The following IPO11 variants were observed in gnomAD, a reference collection of about 807,000 sequenced individuals.
IPO11 encodes the protein importin 11, also known as importin-11.
In IPO11, 66 loss-of-function variants were observed where a neutral mutation model predicts 143.2. The observed-to-expected ratio is 0.46, with a 90% confidence interval of 0.38 to 0.57. The LOEUF (loss-of-function observed/expected upper bound fraction) is 0.57, where lower values mean the gene tolerates loss of function less well. Ranked by LOEUF, IPO11 falls within the 20% of genes least tolerant of loss-of-function variation. The probability of loss-of-function intolerance (pLI) is 0.00; values close to 1 mark genes in which losing one functional copy is unlikely to be tolerated. For missense variants in IPO11, 1,026 were observed against 1,141.0 expected, an observed-to-expected ratio of 0.90 and a Z score of 1.45; for synonymous variants, 385 against 377.8, an observed-to-expected ratio of 1.02 and a Z score of -0.22.
At chr5:62,578,568 A>G (rs1305811164) in intron 27 of IPO11, 4 of 335,000 alleles carry the variant, frequency 1.2e-5, no homozygotes, top group African/African-American at 6.7e-5. Flanking sequence ...TTTAAAAACT[A>G]TTATTTTTAT....
chr5:62,488,313 A>G (rs1375510730), intron 13 of IPO11, among the ~76,000 whole-genome samples: 4 of 152,230 alleles, frequency 2.6e-5, no homozygotes. Flanking sequence ...ATTAACTAAC[A>G]TTGATTTATG....
Position 62,487,855 on chromosome 5 carries a change from C to T in IPO11, c.1303C>T (p.Leu435Phe). 6.2e-7 allele frequency: 1 copy of T among 1,607,056 alleles called. No individual in the cohort carries two copies. The highest frequency in any genetic ancestry group is 1.3e-5 in the African/African-American group (1 of 74,634). Residue 435 changes from leucine (L) to phenylalanine (F), a missense_variant, in exon 13 of 30, where the codon CTT (leucine) becomes TTT (phenylalanine). This residue lies in a region of IPO11 where 237 missense variants were observed against 288.0 expected (regional missense o/e 0.82). Transcript: ENST00000325324. ...TGTACTTCTAGAAATGATGCAAACACTTCAAGGTAAGGCATATTTTGTGAT... is the reference window on the plus strand; with the variant it reads ...TGTACTTCTAGAAATGATGCAAACATTTCAAGGTAAGGCATATTTTGTGAT... The part of the protein sequence containing the change: ...TPVLLEMMQT[L>F]QGPTNVEDMN...
chr5:62,588,170 A>C lies in IPO11; in HGVS notation c.2583-3407A>C, dbSNP rs79287720. Among the ~76,000 whole-genome samples, 729 of 152,020 alleles carry C rather than the reference A, an allele frequency of 4.8e-3. 8 individuals are homozygous for C. Among genetic ancestry groups the C allele is most frequent in the African/African-American group, 0.017 (698 of 41,480 alleles). ...CCCTTGTGATCATGCTCAAAACTCT[A>C]ATATCCTGTCTTATTATAACTTCAC... is the stretch of plus-strand genomic sequence containing the variant. On this transcript the variant is annotated intron_variant, in intron 27 of 29. Coordinates refer to ENST00000325324, the MANE Select transcript of IPO11 (RefSeq NM_016338.5).
At chr5:62,496,740 AAC>A (rs747349409) in intron 16 of IPO11, among the ~76,000 whole-genome samples, 11 of 152,240 alleles carry the variant, frequency 7.2e-5, no homozygotes, top group Non-Finnish European at 1.2e-4. Flanking sequence ...CATATACACA[AAC>A]ACACATTGTG....
At chr5:62,616,070 A>AGGGGGGGGGGGGGGGGGGGGGGGGGGGGG (rs67923113) in intron 29 of IPO11, among the ~76,000 whole-genome samples, 1 of 106,348 alleles carries the variant, frequency 9.4e-6, no homozygotes, top group Non-Finnish European at 1.9e-5. Flanking sequence ...TGGGGGAGGA[A>AGGGGGGGGGGGGGGGGGGGGGGGGGGGGG]GGGGGGTGGC....
At chr5:62,495,673 A>G (rs538439976) in intron 16 of IPO11, among the ~76,000 whole-genome samples, 2 of 152,144 alleles carry the variant, frequency 1.3e-5, no homozygotes, top group Admixed American at 6.5e-5. Context: ...ATGTTGCCAC[A>G]TTGCCCAGGC....
intron 27 of IPO11, among the ~76,000 whole-genome samples, chr5:62,571,120 A>G (rs1005272982): frequency 2.0e-5 from 3 of 152,248 alleles, no homozygotes; most frequent in Non-Finnish European, 4.4e-5. Context: ...TGTATGTCAC[A>G]AGTGGTTCCT....
At chr5:62,612,236 A>T (rs1461308431) in intron 29 of IPO11, among the ~76,000 whole-genome samples, 1 of 152,134 alleles carries the variant, frequency 6.6e-6, no homozygotes, top group Non-Finnish European at 1.5e-5. Context: ...AGTACATGTT[A>T]AAAAAATCAT....
chr5:62,492,377 A>G (rs536649587), intron 15 of IPO11, among the ~76,000 whole-genome samples: 1 of 152,190 alleles, frequency 6.6e-6, no homozygotes, highest in South Asian at 2.1e-4. Context: ...TTTGGCTCCA[A>G]TATTGTTTAT....
intron 9 of IPO11, among the ~76,000 whole-genome samples, chr5:62,482,030 G>A (rs528349631): frequency 1.3e-5 from 2 of 152,256 alleles, no homozygotes; most frequent in African/African-American, 4.8e-5. Flanking sequence ...GGGTGTATGT[G>A]TCCAGGAATT....
intron 1 of IPO11, among the ~76,000 whole-genome samples, chr5:62,425,949 T>G (rs1359213086): frequency 6.6e-6 from 1 of 152,184 alleles, no homozygotes; most frequent in African/African-American, 2.4e-5. Flanking sequence ...CTAATAGACA[T>G]GACTATTTGG....
intron 29 of IPO11, among the ~76,000 whole-genome samples, chr5:62,602,717 C>G (rs562946104): frequency 2.0e-5 from 3 of 152,306 alleles, no homozygotes; most frequent in South Asian, 2.1e-4. Flanking sequence ...TGAGAGCCTT[C>G]TTTTAAACTG....
At chr5:62,421,666 A>G (rs1359581806) in intron 1 of IPO11, among the ~76,000 whole-genome samples, 1 of 152,202 alleles carries the variant, frequency 6.6e-6, no homozygotes, top group Non-Finnish European at 1.5e-5. Context: ...GAGAACTGAT[A>G]TGGGTGGCTC....
At chr5:62,464,925 C>T (rs551643054) in intron 5 of IPO11, among the ~76,000 whole-genome samples, 70 of 152,276 alleles carry the variant, frequency 4.6e-4, no homozygotes, top group Admixed American at 2.0e-3. Flanking sequence ...TAAAATTACT[C>T]AAAATGTCGT....
chr5:62,579,812 C>T, intron 27 of IPO11: 3 of 1,545,900 alleles, frequency 1.9e-6, no homozygotes, highest in Non-Finnish European at 2.6e-6. Context: ...CGCTTAGATC[C>T]TGGAATATTT....
chr5:62,539,298 T>C (rs1178345436), intron 24 of IPO11, among the ~76,000 whole-genome samples: 1 of 152,184 alleles, frequency 6.6e-6, no homozygotes, highest in Non-Finnish European at 1.5e-5. Flanking sequence ...TTGCGTTCCT[T>C]GGTTTGTAGA....
At chr5:62,591,472 C>T in intron 27 of IPO11, 105 bp from the exon 28 acceptor site, 11 of 638,766 alleles carry the variant, frequency 1.7e-5, no homozygotes, top group Non-Finnish European at 2.6e-5. Context: ...TTGTATTTCA[C>T]AGCTGAAATT....
At chr5:62,572,586 T>C (rs1399694199) in intron 27 of IPO11, among the ~76,000 whole-genome samples, 6 of 150,976 alleles carry the variant, frequency 4.0e-5, no homozygotes, top group Non-Finnish European at 7.4e-5. Context: ...TATTTATTTA[T>C]TTTTGAGGCT....
intron 26 of IPO11, among the ~76,000 whole-genome samples, chr5:62,553,032 A>G (rs1001842147): frequency 6.6e-5 from 10 of 152,212 alleles, no homozygotes; most frequent in African/African-American, 9.6e-5. Context: ...CTGCAGTGCT[A>G]TATAGAACAC....
Sources: gnomAD v4.1 joint callset for allele counts (sites outside exome capture counted in the v4.1 genomes callset) on GRCh38, gnomAD v4.1.1 for gene constraint, gnomAD v4.1.1 regional missense constraint, MANE v1.5 for transcripts, NCBI Gene and HGNC (gene_info 2026-07-23, HGNC 2026-07-21) for gene names.